Variants in HTR1E observed in about 807,000 individuals in gnomAD.
The protein encoded by HTR1E is 5-hydroxytryptamine receptor 1E, also known as 5-HT-1E.
HTR1E carries 3 observed loss-of-function variants against 3.4 expected under a neutral mutation model. That is an observed-to-expected ratio of 0.89 (90% confidence interval 0.41 to 2.31). HTR1E has a LOEUF of 2.31. Among genes scored for constraint, HTR1E ranks in the 30% most tolerant of loss-of-function variants. HTR1E has a pLI of 0.05. For missense variants in HTR1E, 392 were observed against 467.0 expected (o/e 0.84, Z 1.48); for synonymous variants, 170 against 182.8 (o/e 0.93, Z 0.56).
Position 86,968,410 on chromosome 6 carries a change from T to C in HTR1E, c.-186+30587T>C, listed in dbSNP as rs138930196. ...TGCTAAATTCCCTCTGGAAAATGTA[T>C]ACTGGCTGCAATTCCTAGCAGCAAT... On this transcript the variant is annotated intron_variant, in intron 1 of 1. Transcript: ENST00000305344. Among the ~76,000 whole-genome samples the C allele has an allele frequency of 2.2e-3, 335 of 152,342 alleles. 1 individual carries two copies. The highest frequency in any genetic ancestry group is 4.1e-3 in the Admixed American group (63 of 15,300).
chr6:86,975,311 T>C (rs889669091), intron 1 of HTR1E, among the ~76,000 whole-genome samples: 1 of 152,218 alleles, frequency 6.6e-6, no homozygotes, highest in Non-Finnish European at 1.5e-5. Flanking sequence ...ATCCTTAACA[T>C]AGTTACTTAC....
At chr6:86,939,239 G>A (rs571202792) in intron 1 of HTR1E, among the ~76,000 whole-genome samples, 2 of 152,292 alleles carry the variant, frequency 1.3e-5, no homozygotes, top group South Asian at 2.1e-4. Flanking sequence ...TCCAGCCCAC[G>A]GAGTTGTGAT....
At position 87,016,561 on chromosome 6, in the gene HTR1E, CTTGT is replaced by C. The variant is rs1013397197; in HGVS notation, c.*144_*147del. The C allele has an allele frequency of 1.7e-4, 130 of 750,222 alleles. No individual in the cohort carries two copies. Among genetic ancestry groups the C allele is most frequent in the Middle Eastern group, 3.9e-4 (1 of 2,582 alleles). The allele number at this position is 750,222 out of a possible 1,614,324, so 46.5% of individuals were successfully genotyped here. On this transcript the variant is annotated 3_prime_UTR_variant, in exon 2 of 2. Coordinates refer to ENST00000305344, the MANE Select transcript of HTR1E (RefSeq NM_000865.3). ...TTGTAAGTATGTGTGGTCTTGTTTC[CTTGT>C]TTGTTTGTTTGTTTTGTTCTGTTTT... is the stretch of plus-strand genomic sequence containing the variant.
Position 87,016,498 on chromosome 6 carries a change from A to G in HTR1E, c.*66A>G. 7.4e-7 allele frequency: 1 copy of G among 1,345,008 alleles called. No individual in the cohort carries two copies. Among genetic ancestry groups the G allele is most frequent in the African/African-American group, 1.5e-5 (1 of 68,388 alleles). 83.3% of individuals were successfully genotyped at this position (1,345,008 alleles called of 1,614,324 possible). A position where few individuals can be genotyped will look rare whatever the true frequency, so the allele number is the denominator to read the frequency against. ...ATGAGTGGATGGGGGTAAGGGGTGC[A>G]ACTTATTAATTCTTGAACATACTTG... On this transcript the variant is annotated 3_prime_UTR_variant, in exon 2 of 2. Coordinates refer to ENST00000305344, the MANE Select transcript of HTR1E (RefSeq NM_000865.3).
chr6:87,015,111 G>T (rs1768297543), intron 1 of HTR1E, 39 bp from the exon 2 acceptor site: 1 of 364,136 alleles, frequency 2.7e-6, no homozygotes. Flanking sequence ...GAAAAGTGTG[G>T]CTTTCTCATT....
intron 1 of HTR1E, among the ~76,000 whole-genome samples, chr6:86,954,375 G>C (rs1408757082): frequency 6.6e-6 from 1 of 152,044 alleles, no homozygotes; most frequent in East Asian, 1.9e-4. Context: ...GACCCTAGAG[G>C]CCTGCCCCAC....
intron 1 of HTR1E, among the ~76,000 whole-genome samples, chr6:86,987,439 G>T (rs1294341716): frequency 6.6e-6 from 1 of 152,010 alleles, no homozygotes; most frequent in Non-Finnish European, 1.5e-5. Flanking sequence ...TTTCTCTAAT[G>T]CTCCGTAATG....
At chr6:87,009,914 C>T (rs1436025980) in intron 1 of HTR1E, among the ~76,000 whole-genome samples, 25 of 103,732 alleles carry the variant, frequency 2.4e-4, no homozygotes, top group South Asian at 1.1e-3. Context: ...CCGGACGGGG[C>T]GGCTGGCCGG....
At chr6:87,005,093 A>T (rs1388751775) in intron 1 of HTR1E, among the ~76,000 whole-genome samples, 3 of 152,214 alleles carry the variant, frequency 2.0e-5, no homozygotes, top group Non-Finnish European at 4.4e-5. Flanking sequence ...TGAAGAGGAC[A>T]CAAAAAAGTG....
chr6:86,991,860 C>T (rs1445552080), intron 1 of HTR1E, among the ~76,000 whole-genome samples: 1 of 152,144 alleles, frequency 6.6e-6, no homozygotes, highest in Admixed American at 6.6e-5. Context: ...ATGTTTTATA[C>T]AAACTCTTCA....
intron 1 of HTR1E, among the ~76,000 whole-genome samples, chr6:86,975,886 C>T (rs1767628819): frequency 6.6e-6 from 1 of 150,514 alleles, no homozygotes; most frequent in Non-Finnish European, 1.5e-5. Flanking sequence ...TTAAATCTCA[C>T]CTTCTCTCTT....
chr6:87,016,462 T>C lies in HTR1E; in HGVS notation c.*30T>C. ...TAAAAAGCTAAAAGGCACGACTTTT[T>C]CCAGAGCCTCATGAGTGGATGGGGG... is the stretch of plus-strand genomic sequence containing the variant. On this transcript the variant is annotated 3_prime_UTR_variant, in exon 2 of 2. Transcript: ENST00000305344. 1 of 1,549,460 alleles carries C rather than the reference T, an allele frequency of 6.5e-7. No homozygotes were observed. Among genetic ancestry groups the C allele is most frequent in the South Asian group, 1.2e-5 (1 of 80,200 alleles).
intron 1 of HTR1E, among the ~76,000 whole-genome samples, chr6:87,004,848 C>G (rs1768078818): frequency 6.6e-6 from 1 of 152,054 alleles, no homozygotes; most frequent in South Asian, 2.1e-4. Flanking sequence ...AACCTGAATA[C>G]TGCACCAAAA....
At chr6:86,966,878 T>G (rs773633594) in intron 1 of HTR1E, among the ~76,000 whole-genome samples, 6 of 152,234 alleles carry the variant, frequency 3.9e-5, no homozygotes, top group Admixed American at 2.6e-4. Flanking sequence ...TTAAAGAATT[T>G]TTATTATTTT....
At chr6:86,952,280 C>G (rs1582257701) in intron 1 of HTR1E, among the ~76,000 whole-genome samples, 1 of 152,164 alleles carries the variant, frequency 6.6e-6, no homozygotes, top group Non-Finnish European at 1.5e-5. Flanking sequence ...CAACAAGCAT[C>G]TCTCACTCAC....
In HTR1E at chr6:86,971,115, A is replaced by G. The variant is rs1767547827; in HGVS notation, c.-186+33292A>G. On this transcript the variant is annotated intron_variant, in intron 1 of 1. Transcript: ENST00000305344. Reference sequence around the variant, plus strand: ...CTCCATGAGGAGGAATGAAGAAAAGACCACTCATTTTGTAGAAGGTGGAGA... The same window carrying G: ...CTCCATGAGGAGGAATGAAGAAAAGGCCACTCATTTTGTAGAAGGTGGAGA... 7.8e-6 allele frequency: 4 copies of G among 510,508 alleles called. No homozygotes were observed. The East Asian group carries it at 2.2e-4, about 28-fold the overall frequency. The allele number at this position is 510,508 out of a possible 1,614,324, so 31.6% of individuals were successfully genotyped here.
At chr6:86,983,696 T>C (rs537438273) in intron 1 of HTR1E, among the ~76,000 whole-genome samples, 1 of 152,292 alleles carries the variant, frequency 6.6e-6, no homozygotes, top group East Asian at 1.9e-4. Flanking sequence ...AAATTATAAA[T>C]GTTGAAGGTG....
At chr6:86,995,665 CAAAAA>C (rs60134206) in intron 1 of HTR1E, among the ~76,000 whole-genome samples, 4 of 36,696 alleles carry the variant, frequency 1.1e-4, no homozygotes, top group East Asian at 6.6e-4. Flanking sequence ...GACTCCATCT[CAAAAA>C]AAAAAAAAAA....
At chr6:86,974,170 G>A (rs1767598496) in intron 1 of HTR1E, among the ~76,000 whole-genome samples, 1 of 152,066 alleles carries the variant, frequency 6.6e-6, no homozygotes, top group East Asian at 1.9e-4. Context: ...GCAATACAGA[G>A]AACTTTTTTA....
Sources: allele counts gnomAD v4.1 joint callset (sites outside exome capture counted in the v4.1 genomes callset), GRCh38; gene constraint gnomAD v4.1.1; transcripts MANE v1.5; gene names NCBI Gene and HGNC (gene_info 2026-07-23, HGNC 2026-07-21).